Variants in FIGN observed in about 807,000 individuals in gnomAD.
FIGN encodes the protein fidgetin, microtubule severing factor.
A neutral mutation model predicts 51.3 loss-of-function variants in FIGN; 11 were observed. The ratio of observed to expected loss-of-function variants is 0.21; its 90% CI spans 0.13 to 0.35. The LOEUF (loss-of-function observed/expected upper bound fraction) is 0.35, where lower values mean the gene tolerates loss of function less well. Ranked by LOEUF, FIGN falls within the 10% of genes least tolerant of loss-of-function variation. The probability of loss-of-function intolerance (pLI) is 1.00; values close to 1 mark genes in which losing one functional copy is unlikely to be tolerated. For missense variants in FIGN, 857 were observed against 943.6 expected, an observed-to-expected ratio of 0.91 and a Z score of 1.20; for synonymous variants, 407 against 363.2, an observed-to-expected ratio of 1.12 and a Z score of -1.37.
rs1185416105 is a variant in FIGN, at chr2:163,605,016, T to C, written c.*4536A>G. On this transcript the variant is annotated 3_prime_UTR_variant, in exon 3 of 3. Coordinates refer to ENST00000333129, the MANE Select transcript of FIGN (RefSeq NM_018086.4). ...CCAACCTTGGTGTACTACAGAACCA[T>C]TTTATAAATATTTAACATTCTATAG... 1.6e-5 allele frequency: 2 copies of C among 127,040 alleles called. No individual in the cohort carries two copies. Among genetic ancestry groups the C allele is most frequent in the Non-Finnish European group, 3.2e-5 (2 of 63,324 alleles). 7.9% of individuals were successfully genotyped at this position (127,040 alleles called of 1,614,324 possible).
At position 163,610,303 on chromosome 2, in the gene FIGN, T is replaced by C; in HGVS notation, c.1529A>G (p.Asp510Gly). The C allele has an allele frequency of 1.2e-6, 2 of 1,614,142 alleles. No individual in the cohort carries two copies. Among genetic ancestry groups the C allele is most frequent in the Admixed American group, 1.7e-5 (1 of 60,024 alleles). Residue 510 changes from aspartate (D) to glycine (G), a missense_variant, in exon 3 of 3, where the codon GAC (aspartate) becomes GGC (glycine). Asp to Gly is a moderately conservative substitution (Grantham distance 94). Transcript: ENST00000333129. Reference sequence around the variant, plus strand: ...TAAGGCCGTCAGTCCACTGAACGCGTCTGACCTCAACACTGGCCATAAAAC... The same window carrying C: ...TAAGGCCGTCAGTCCACTGAACGCGCCTGACCTCAACACTGGCCATAAAAC... ...EEVLWPVLRSDAFSGLTALPR... is the reference protein window; with the variant it reads ...EEVLWPVLRSGAFSGLTALPR...
At chr2:163,714,215 CA>C (rs917081878) in intron 2 of FIGN, among the ~76,000 whole-genome samples, 3 of 152,180 alleles carry the variant, frequency 2.0e-5, no homozygotes, top group African/African-American at 7.2e-5. Context: ...CCCAGGATTT[CA>C]TAGTCAATGG....
rs1352313842 is a variant in FIGN at position 163,608,451 on chromosome 2, C to T, written c.*1101G>A. ...CAAACTACCACCACCATCACCACCACTACCACCTATGCAATAAAAAGGCAG... is the reference window on the plus strand; with the variant it reads ...CAAACTACCACCACCATCACCACCATTACCACCTATGCAATAAAAAGGCAG... On this transcript the variant is annotated 3_prime_UTR_variant, in exon 3 of 3. Coordinates refer to ENST00000333129, the MANE Select transcript of FIGN (RefSeq NM_018086.4). 1.3e-5 allele frequency: 2 copies of T among 153,032 alleles called. No homozygotes were observed. Among genetic ancestry groups the T allele is most frequent in the Non-Finnish European group, 2.9e-5 (2 of 68,298 alleles). 9.5% of individuals were successfully genotyped at this position (153,032 alleles called of 1,614,324 possible).
intron 2 of FIGN, among the ~76,000 whole-genome samples, chr2:163,634,814 A>G (rs114462397): frequency 1.5e-3 from 230 of 152,346 alleles, no homozygotes; most frequent in African/African-American, 5.2e-3. Flanking sequence ...AGAATTCCTC[A>G]GCCAAATTTG....
chr2:163,639,485 G>C (rs947150143), intron 2 of FIGN, among the ~76,000 whole-genome samples: 1 of 151,972 alleles, frequency 6.6e-6, no homozygotes, highest in Non-Finnish European at 1.5e-5. Flanking sequence ...TTTTACAGGG[G>C]AAAAAAATTC....
chr2:163,606,519 G>A lies in FIGN; in HGVS notation c.*3033C>T, dbSNP rs1313395470. ...AATAGCCTTCTCCAAATTCTTAGCA[G>A]TCAAAAAGAGGCCAAGGGTATGAAG... is the stretch of plus-strand genomic sequence containing the variant. On this transcript the variant is annotated 3_prime_UTR_variant, in exon 3 of 3. Coordinates refer to ENST00000333129, the MANE Select transcript of FIGN (RefSeq NM_018086.4). 2 of 152,202 alleles carry A rather than the reference G, an allele frequency of 1.3e-5. No individual in the cohort carries two copies. Among genetic ancestry groups the A allele is most frequent in the African/African-American group, 2.4e-5 (1 of 41,444 alleles). 9.4% of individuals were successfully genotyped at this position (152,202 alleles called of 1,614,324 possible). A position where few individuals can be genotyped will look rare whatever the true frequency, so the allele number is the denominator to read the frequency against.
intron 2 of FIGN, among the ~76,000 whole-genome samples, chr2:163,659,975 GCCT>G (rs1330928839): frequency 5.9e-5 from 9 of 152,188 alleles, no homozygotes; most frequent in Admixed American, 2.0e-4. Flanking sequence ...GGTGGCACAA[GCCT>G]GTAATCCCAG....
At chr2:163,647,495 A>G (rs1311043749) in intron 2 of FIGN, among the ~76,000 whole-genome samples, 2 of 152,190 alleles carry the variant, frequency 1.3e-5, no homozygotes, top group Non-Finnish European at 2.9e-5. Flanking sequence ...CAGAGCTTGA[A>G]AAGGCCTTCA....
intron 2 of FIGN, among the ~76,000 whole-genome samples, chr2:163,668,464 C>T (rs917346013): frequency 4.6e-5 from 7 of 152,292 alleles, no homozygotes; most frequent in African/African-American, 1.7e-4. Context: ...CAATTTGCCA[C>T]ATGCAGGACA....
intron 2 of FIGN, among the ~76,000 whole-genome samples, chr2:163,645,300 C>G (rs1683365281): frequency 6.6e-6 from 1 of 152,002 alleles, no homozygotes; most frequent in African/African-American, 2.4e-5. Flanking sequence ...TGGTAGGAAA[C>G]AAGGTTGAGC....
chr2:163,606,818 A>G lies in FIGN; in HGVS notation c.*2734T>C, dbSNP rs1691121888. 1 of 152,218 alleles carries G rather than the reference A, an allele frequency of 6.6e-6. No homozygotes were observed. Among genetic ancestry groups the G allele is most frequent in the African/African-American group, 2.4e-5 (1 of 41,462 alleles). 9.4% of individuals were successfully genotyped at this position (152,218 alleles called of 1,614,324 possible). ...CAAATCTTGGATTTTGTGAGGCTAA[A>G]TGAAAATCACATACGACTTCAGCTT... is the stretch of plus-strand genomic sequence containing the variant. On this transcript the variant is annotated 3_prime_UTR_variant, in exon 3 of 3. Transcript: ENST00000333129.
intron 2 of FIGN, among the ~76,000 whole-genome samples, chr2:163,663,124 T>C (rs1478084755): frequency 6.6e-6 from 1 of 152,166 alleles, no homozygotes; most frequent in African/African-American, 2.4e-5. Flanking sequence ...TTTCACCATG[T>C]TGGCCAGCCT....
At chr2:163,700,189 G>C (rs542323427) in intron 2 of FIGN, among the ~76,000 whole-genome samples, 2 of 152,232 alleles carry the variant, frequency 1.3e-5, no homozygotes, top group South Asian at 4.2e-4. Context: ...TATAACGCTG[G>C]AGGAACATTT....
intron 2 of FIGN, among the ~76,000 whole-genome samples, chr2:163,624,708 ATTT>A (rs34598500): frequency 6.9e-6 from 1 of 145,488 alleles, no homozygotes; most frequent in African/African-American, 2.5e-5. Flanking sequence ...ATATATATAT[ATTT>A]TTTTTTTTCC....
At position 163,610,710 on chromosome 2, in the gene FIGN, T is replaced by C. The variant is rs1406457744; in HGVS notation, c.1122A>G (p.Leu374=). 6.2e-7 allele frequency: 1 copy of C among 1,614,194 alleles called. No individual in the cohort carries two copies. The part of the protein sequence containing the change: ...GFDRSAETSS[L]AFKPTKQLMS... ...TTAGCTGCTTCGTTGGCTTAAATGC[T>C]AAGGATGATGTTTCAGCACTTCTGT... Residue 374 remains leucine (L), a synonymous_variant, in exon 3 of 3, where the codon TTA becomes TTG. Coordinates refer to ENST00000333129, the MANE Select transcript of FIGN (RefSeq NM_018086.4).
chr2:163,622,950 G>A (rs1264369047), intron 2 of FIGN, among the ~76,000 whole-genome samples: 1 of 152,188 alleles, frequency 6.6e-6, no homozygotes, highest in African/African-American at 2.4e-5. Context: ...AAAAGAGTAA[G>A]TCAAATTCTC....
intron 2 of FIGN, among the ~76,000 whole-genome samples, chr2:163,627,971 G>C (rs1445675518): frequency 1.3e-5 from 2 of 152,142 alleles, no homozygotes; most frequent in African/African-American, 4.8e-5. Context: ...TATATTGTAA[G>C]TCTCAAAATT....
intron 2 of FIGN, among the ~76,000 whole-genome samples, chr2:163,650,996 C>T (rs776281395): frequency 1.4e-4 from 22 of 152,144 alleles, no homozygotes; most frequent in African/African-American, 2.4e-4. Context: ...TGATGATTTT[C>T]GAATTGGGCT....
intron 2 of FIGN, among the ~76,000 whole-genome samples, chr2:163,686,492 A>T (rs1002854318): frequency 6.6e-6 from 1 of 152,156 alleles, no homozygotes; most frequent in African/African-American, 2.4e-5. Flanking sequence ...CTGAAGTTTC[A>T]TTGCTATATA....
Sources: gnomAD v4.1 joint callset for allele counts (sites outside exome capture counted in the v4.1 genomes callset) on GRCh38, gnomAD v4.1.1 for gene constraint, MANE v1.5 for transcripts, NCBI Gene and HGNC (gene_info 2026-07-23, HGNC 2026-07-21) for gene names.